BCAS3: variants seen among roughly 807,000 people sequenced by gnomAD.
The protein encoded by BCAS3 is BCAS4/BCAS3 fusion.
In BCAS3, 53 loss-of-function variants were observed where a neutral mutation model predicts 116.1. That is an observed-to-expected ratio of 0.46 (90% CI 0.37 to 0.57). BCAS3 has a LOEUF of 0.57. Ranked by LOEUF, BCAS3 falls within the 20% of genes least tolerant of loss-of-function variation. The pLI is 0.00. For missense variants in BCAS3, 917 were observed against 1,165.4 expected (o/e 0.79, Z 3.10); for synonymous variants, 391 against 408.2 (o/e 0.96, Z 0.51).
chr17:60,701,171 G>C (rs546903514), intron 4 of BCAS3, among the ~76,000 whole-genome samples: 10 of 151,314 alleles, frequency 6.6e-5, no homozygotes, highest in African/African-American at 2.4e-4. Context: ...TTTAACTGGG[G>C]AGGCGGAGGT....
intron 22 of BCAS3, among the ~76,000 whole-genome samples, chr17:61,296,367 G>T (rs1279011308): frequency 6.6e-6 from 1 of 152,190 alleles, no homozygotes; most frequent in Non-Finnish European, 1.5e-5. Flanking sequence ...GGCCCATCCA[G>T]TGGGTTTGAG....
At chr17:60,681,274 C>T (rs1370664932) in intron 2 of BCAS3, among the ~76,000 whole-genome samples, 3 of 151,612 alleles carry the variant, frequency 2.0e-5, no homozygotes, top group East Asian at 3.9e-4. Context: ...CTGAGGTGGG[C>T]GGATCACCTG....
intron 6 of BCAS3, among the ~76,000 whole-genome samples, chr17:60,760,726 C>A (rs2043447366): frequency 6.6e-6 from 1 of 152,032 alleles, no homozygotes; most frequent in Admixed American, 6.5e-5. Context: ...TTTTGGACCT[C>A]TTATTTGTGA....
chr17:61,046,095 T>A (rs1266290035), intron 19 of BCAS3, among the ~76,000 whole-genome samples: 4 of 50,456 alleles, frequency 7.9e-5, no homozygotes, highest in African/African-American at 2.9e-4. Context: ...TATATATATA[T>A]AATATATATA....
At chr17:60,914,431 T>C (rs1027073306) in intron 12 of BCAS3, among the ~76,000 whole-genome samples, 5 of 152,178 alleles carry the variant, frequency 3.3e-5, no homozygotes, top group Admixed American at 2.6e-4. Flanking sequence ...TCAAATTGAA[T>C]ACTCAATGCC....
At chr17:61,075,049 A>C (rs1946404655) in intron 20 of BCAS3, 29 bp downstream of exon 20, 1 of 1,524,826 alleles carries the variant, frequency 6.6e-7, no homozygotes, top group African/African-American at 1.4e-5. Flanking sequence ...GAGAGTATTA[A>C]AGTAAAATAA....
intron 4 of BCAS3, 140 bp from the exon 5 acceptor site, chr17:60,709,079 G>A (rs1006809326): frequency 5.7e-6 from 3 of 529,348 alleles, no homozygotes; most frequent in Non-Finnish European, 1.0e-5. Flanking sequence ...ACAACTTTGA[G>A]AATTCTGGCT....
At chr17:60,888,782 T>C (rs996198797) in intron 9 of BCAS3, among the ~76,000 whole-genome samples, 1 of 152,230 alleles carries the variant, frequency 6.6e-6, no homozygotes, top group Non-Finnish European at 1.5e-5. Context: ...AGAAAGCTTT[T>C]ATTTTGTTTA....
rs62082930 is a variant in BCAS3 at position 61,087,643 on chromosome 17, T to C, written c.2425+3079T>C. The C allele has an allele frequency of 6.6e-6, 1 of 152,240 alleles. No homozygotes were observed. The highest frequency in any genetic ancestry group is 2.4e-5 in the African/African-American group (1 of 41,458). 9.4% of individuals were successfully genotyped at this position (152,240 alleles called of 1,614,324 possible). A position where few individuals can be genotyped will look rare whatever the true frequency, so the allele number is the denominator to read the frequency against. On this transcript the variant is annotated intron_variant, in intron 22 of 23. Transcript: ENST00000407086. The surrounding 1 kb of genome is among the most constrained non-coding windows in gnomAD (Gnocchi z 4.6). Reference sequence around the variant, plus strand: ...GTTTTTTTCACAATTTCTTAATATCTGGTAATCTCTGGTTCATGCTTTTGC... The same window carrying C: ...GTTTTTTTCACAATTTCTTAATATCCGGTAATCTCTGGTTCATGCTTTTGC...
intron 5 of BCAS3, among the ~76,000 whole-genome samples, chr17:60,739,693 G>A (rs967976950): frequency 5.3e-5 from 8 of 151,952 alleles, no homozygotes; most frequent in African/African-American, 1.9e-4. Context: ...CTTTCCTTAT[G>A]TAAATCTGAG....
At chr17:61,174,524 A>G (rs1035699836) in intron 22 of BCAS3, among the ~76,000 whole-genome samples, 7 of 152,194 alleles carry the variant, frequency 4.6e-5, no homozygotes, top group Non-Finnish European at 1.0e-4. Context: ...ATAGTATTCC[A>G]TTGTGCATAT....
rs1451580044 is a variant in BCAS3 at position 61,128,405 on chromosome 17, TACATTCAGAC to T, written c.2425+43843_2425+43852del. ...GTGAAAGGTGGGACACCAGTAGATA[TACATTCAGAC>T]AAATCACCCTGCAGTTATTGCTCAA... On this transcript the variant is annotated intron_variant, in intron 22 of 23. Transcript: ENST00000407086. The surrounding 1 kb of genome is among the most constrained non-coding windows in gnomAD (Gnocchi z 4.1). 2 of 985,394 alleles carry T rather than the reference TACATTCAGAC, an allele frequency of 2.0e-6. No individual in the cohort carries two copies. The highest frequency in any genetic ancestry group is 2.3e-4 in the East Asian group (2 of 8,808). 61.0% of individuals were successfully genotyped at this position (985,394 alleles called of 1,614,324 possible). A position where few individuals can be genotyped will look rare whatever the true frequency, so the allele number is the denominator to read the frequency against.
At chr17:61,179,854 C>T (rs1415408094) in intron 22 of BCAS3, among the ~76,000 whole-genome samples, 3 of 147,220 alleles carry the variant, frequency 2.0e-5, no homozygotes, top group Non-Finnish European at 4.5e-5. Context: ...TAAAATATCA[C>T]TGTTTTTCTC....
intron 22 of BCAS3, among the ~76,000 whole-genome samples, chr17:61,096,950 C>G (rs536186781): frequency 6.6e-6 from 1 of 152,048 alleles, no homozygotes; most frequent in Non-Finnish European, 1.5e-5. Context: ...AATTATTTCA[C>G]ATATGTGGAA....
intron 22 of BCAS3, among the ~76,000 whole-genome samples, chr17:61,288,014 A>T (rs558476676): frequency 3.2e-4 from 49 of 152,144 alleles, no homozygotes; most frequent in African/African-American, 1.2e-3. Flanking sequence ...TATCTTTACA[A>T]CTCTAGCTTG....
rs187609847 is a variant in BCAS3, at chr17:61,070,100, T to C, written c.2030-4820T>C. 1.5e-4 allele frequency: 233 copies of C among 1,575,200 alleles called. 1 individual carries two copies. In the African/African-American group the frequency reaches 2.7e-3, roughly 18 times the overall value. On this transcript the variant is annotated intron_variant, in intron 19 of 23. Transcript: ENST00000407086. ...AACAAGCTTGACCACTATGCTATCA[T>C]CAAGTTTCCGCTGACCACTGAGTCT...
chr17:61,146,879 T>C (rs2077246107), intron 22 of BCAS3, among the ~76,000 whole-genome samples: 1 of 152,094 alleles, frequency 6.6e-6, no homozygotes, highest in Non-Finnish European at 1.5e-5. Flanking sequence ...TCAAACCCAC[T>C]TAGTTTTTTT....
At chr17:61,092,934 C>G (rs1039076582) in intron 22 of BCAS3, among the ~76,000 whole-genome samples, 18 of 111,680 alleles carry the variant, frequency 1.6e-4, no homozygotes, top group African/African-American at 6.4e-4. Flanking sequence ...GAGACAGAGT[C>G]TCAGTCTGTC....
chr17:60,822,477 G>A (rs766910373), intron 7 of BCAS3, among the ~76,000 whole-genome samples: 4 of 152,114 alleles, frequency 2.6e-5, no homozygotes, highest in Non-Finnish European at 5.9e-5. Flanking sequence ...CCTCACGTAA[G>A]CTCTTGAAAA....
Sources: allele counts gnomAD v4.1 joint callset (sites outside exome capture counted in the v4.1 genomes callset), GRCh38; gene constraint gnomAD v4.1.1; non-coding constraint Gnocchi (gnomAD v3.1); transcripts MANE v1.5; gene names NCBI Gene and HGNC (gene_info 2026-07-23, HGNC 2026-07-21).